HDAC9: variants seen among roughly 807,000 people sequenced by gnomAD.
HDAC9 encodes MEF-2 interacting transcription repressor (MITR) protein.
Under a neutral mutation model 139.4 loss-of-function variants are expected in HDAC9, and 41 were observed. The observed-to-expected ratio is 0.29, with a 90% CI of 0.23 to 0.38. The LOEUF is 0.38. HDAC9 is among the 10% of genes least tolerant of loss of function. The probability of loss-of-function intolerance (pLI) is 1.00; values close to 1 mark genes in which losing one functional copy is unlikely to be tolerated. For missense variants in HDAC9, 1,147 were observed against 1,297.0 expected, an observed-to-expected ratio of 0.88 and a Z score of 1.78; for synonymous variants, 517 against 476.2, an observed-to-expected ratio of 1.09 and a Z score of -1.12.
At chr7:18,927,163 A>G (rs1430879949) in intron 22 of HDAC9, among the ~76,000 whole-genome samples, 1 of 152,210 alleles carries the variant, frequency 6.6e-6, no homozygotes, top group African/African-American at 2.4e-5. Context: ...TTTGCATGAA[A>G]TAAACCTTTT....
In HDAC9 at chr7:18,458,976, C is replaced by T. The variant is rs1052546032; in HGVS notation, c.-41-37286C>T. 5 of 1,103,760 alleles carry T rather than the reference C, an allele frequency of 4.5e-6. No individual in the cohort carries two copies. In the African/African-American group the frequency reaches 6.2e-5, roughly 14 times the overall value. The allele number at this position is 1,103,760 out of a possible 1,614,324, so 68.4% of individuals were successfully genotyped here. On this transcript the variant is annotated intron_variant, in intron 1 of 3. Transcript: ENST00000413509. Reference sequence around the variant, plus strand: ...AACATGAGTGGGTGACTTCCTTTTCCAGGCTATTGGTCAAAGCTGCGGTCA... The same window carrying T: ...AACATGAGTGGGTGACTTCCTTTTCTAGGCTATTGGTCAAAGCTGCGGTCA...
chr7:18,781,289 A>C (rs772864512), intron 16 of HDAC9, among the ~76,000 whole-genome samples: 6 of 152,084 alleles, frequency 3.9e-5, no homozygotes, highest in Non-Finnish European at 7.4e-5. Context: ...AATTCAGTCC[A>C]TAACGATATT....
Position 18,850,551 on chromosome 7 carries a change from A to G in HDAC9, c.2684+14554A>G, listed in dbSNP as rs71524252. 3.2e-3 allele frequency among the ~76,000 whole-genome samples: 492 copies of G among 152,318 alleles called. 5 individuals carry two copies. The highest frequency in any genetic ancestry group is 5.1e-3 in the Non-Finnish European group (350 of 68,030). ...GCTCAAAACCTCTGCATCTATTGTC[A>G]TATTGTATTTGTCCTCAAATATCCT... On this transcript the variant is annotated intron_variant, in intron 21 of 25. Transcript: ENST00000686413.
intron 1 of HDAC9, among the ~76,000 whole-genome samples, chr7:18,389,831 T>C (rs1373934157): frequency 1.3e-5 from 2 of 152,192 alleles, no homozygotes; most frequent in African/African-American, 2.4e-5. Context: ...TTTGATTTTC[T>C]AAAAATGCAG....
At chr7:18,798,308 C>T (rs1255744016) in intron 17 of HDAC9, among the ~76,000 whole-genome samples, 1 of 152,066 alleles carries the variant, frequency 6.6e-6, no homozygotes, top group Non-Finnish European at 1.5e-5. Context: ...ATAAAACAGG[C>T]AAAATGTGTC....
rs200008737 is a variant in HDAC9, at chr7:18,117,505, TAA to T, written c.-97+30305_-97+30306del. Among the ~76,000 whole-genome samples, 15 of 132,988 alleles carry T rather than the reference TAA, an allele frequency of 1.1e-4. No homozygotes were observed. In the East Asian group the frequency reaches 1.5e-3, roughly 13 times the overall value. 87.2% of individuals were successfully genotyped at this position (132,988 alleles called of 152,430 possible). A position where few individuals can be genotyped will look rare whatever the true frequency, so the allele number is the denominator to read the frequency against. ...TGTCTCAAAAAATAAAATAAAAAAT[TAA>T]AAAAAAAAAAAAGAGAAGAGATAGA... On this transcript the variant is annotated intron_variant, in intron 1 of 12. Transcript: ENST00000417496.
intron 1 of HDAC9, among the ~76,000 whole-genome samples, chr7:18,388,534 G>C (rs576883422): frequency 6.6e-6 from 1 of 152,276 alleles, no homozygotes; most frequent in East Asian, 1.9e-4. Context: ...TAGTTTCTTA[G>C]TACTTTAGTT....
intron 4 of HDAC9, among the ~76,000 whole-genome samples, chr7:18,591,065 A>G (rs1196733513): frequency 2.0e-5 from 3 of 152,194 alleles, no homozygotes. Context: ...TTAATGCTCA[A>G]AGGGTTTTTT....
chr7:18,324,395 G>A (rs1195431916), intron 1 of HDAC9, among the ~76,000 whole-genome samples: 1 of 152,114 alleles, frequency 6.6e-6, no homozygotes, highest in Non-Finnish European at 1.5e-5. Flanking sequence ...TCTCTGAAAT[G>A]GAGATAATCA....
chr7:18,484,660 T>G (rs566867116), intron 1 of HDAC9, among the ~76,000 whole-genome samples: 1 of 152,282 alleles, frequency 6.6e-6, no homozygotes, highest in South Asian at 2.1e-4. Flanking sequence ...GGCCTCGGTT[T>G]TTGAAGTCAA....
At chr7:18,892,402 A>C (rs776112905) in intron 22 of HDAC9, among the ~76,000 whole-genome samples, 3 of 152,218 alleles carry the variant, frequency 2.0e-5, no homozygotes, top group Non-Finnish European at 2.9e-5. Context: ...CTAAAGCATA[A>C]AAAAGATAAG....
At chr7:18,701,441 A>G (rs1437409995) in intron 12 of HDAC9, among the ~76,000 whole-genome samples, 2 of 151,380 alleles carry the variant, frequency 1.3e-5, no homozygotes, top group African/African-American at 2.4e-5. Flanking sequence ...CAACTGTACT[A>G]TAGTACCACA....
At chr7:18,598,696 T>C (rs868066135) in intron 6 of HDAC9, among the ~76,000 whole-genome samples, 1 of 152,238 alleles carries the variant, frequency 6.6e-6, no homozygotes, top group African/African-American at 2.4e-5. Flanking sequence ...CAAAACTAAA[T>C]CTCTTTTTGT....
chr7:18,702,521 CTTAAT>C (rs1181363568), intron 12 of HDAC9, among the ~76,000 whole-genome samples: 1 of 152,128 alleles, frequency 6.6e-6, no homozygotes, highest in Admixed American at 6.5e-5. Context: ...CATTAGATGG[CTTAAT>C]TTGTCAGTGG....
At chr7:18,667,147 T>C (rs1795078875) in intron 12 of HDAC9, 1 of 985,080 alleles carries the variant, frequency 1.0e-6, no homozygotes, top group South Asian at 4.7e-5. Flanking sequence ...CTTTAAATAT[T>C]AGATTATGTC....
At position 18,256,964 on chromosome 7, in the gene HDAC9, C is replaced by A. The variant is rs572246356; in HGVS notation, c.25+94615C>A. On this transcript the variant is annotated intron_variant, in intron 2 of 12. Coordinates refer to the HDAC9 transcript ENST00000417496. Reference sequence around the variant, plus strand: ...AATAACCAGGCATGGTGGTGCATATCTGAGGTCCCAGCTACTTGGGAAACT... The same window carrying A: ...AATAACCAGGCATGGTGGTGCATATATGAGGTCCCAGCTACTTGGGAAACT... Among the ~76,000 whole-genome samples, 36 of 151,952 alleles carry A rather than the reference C, an allele frequency of 2.4e-4. 1 individual carries two copies. The South Asian group carries it at 7.5e-3, about 32-fold the overall frequency.
chr7:18,526,552 CAT>C (rs1218958202), intron 2 of HDAC9, among the ~76,000 whole-genome samples: 1 of 152,132 alleles, frequency 6.6e-6, no homozygotes, highest in Non-Finnish European at 1.5e-5. Context: ...GTCACCAAAA[CAT>C]ATTATCAAAG....
At chr7:18,737,882 G>T (rs1050588028) in intron 13 of HDAC9, among the ~76,000 whole-genome samples, 2 of 152,134 alleles carry the variant, frequency 1.3e-5, no homozygotes, top group African/African-American at 4.8e-5. Flanking sequence ...CATTATTATT[G>T]TGTGGGAGTC....
chr7:18,835,495 A>AGGCCTTTAT lies in HDAC9; in HGVS notation c.2502_2503insATGGCCTTT (p.Phe834_Tyr835insMetAlaPhe), dbSNP rs766425362. ...GTTCACCATGGAAACGGTACCCAGC[A>AGGCCTTTAT]GGCCTTTTATGCTGACCCCAGCATC... On this transcript the variant is annotated inframe_insertion, in exon 20 of 26. Coordinates refer to ENST00000686413, the MANE Select transcript of HDAC9 (RefSeq NM_178425.4). 6.2e-7 allele frequency: 1 copy of AGGCCTTTAT among 1,613,614 alleles called. No homozygotes were observed.
Sources: allele counts gnomAD v4.1 joint callset (sites outside exome capture counted in the v4.1 genomes callset), GRCh38; gene constraint gnomAD v4.1.1; transcripts MANE v1.5; gene names NCBI Gene and HGNC (gene_info 2026-07-23, HGNC 2026-07-21).